The following UBAP2L variants were observed in gnomAD, a reference collection of about 807,000 sequenced individuals.
UBAP2L encodes ubiquitin associated protein 2 like, also known as ubiquitin-associated protein 2-like.
Under a neutral mutation model 130.6 loss-of-function variants are expected in UBAP2L, and 12 were observed. That is an observed-to-expected ratio of 0.09 (90% CI 0.06 to 0.15). The LOEUF is 0.15. Ranked by LOEUF, UBAP2L falls within the 10% of genes least tolerant of loss-of-function variation. The probability of loss-of-function intolerance (pLI) is 1.00; values close to 1 mark genes in which losing one functional copy is unlikely to be tolerated. For synonymous variants in UBAP2L, 503 were observed against 524.7 expected, an observed-to-expected ratio of 0.96 and a Z score of 0.57; for missense variants, 965 against 1,332.5, an observed-to-expected ratio of 0.72 and a Z score of 4.29.
chr1:154,254,097 C>T lies in UBAP2L; in HGVS notation c.1854+8C>T, dbSNP rs1678802507. The T allele has an allele frequency of 1.3e-6, 2 of 1,520,236 alleles. No homozygotes were observed. Among genetic ancestry groups the T allele is most frequent in the Non-Finnish European group, 1.8e-6 (2 of 1,138,648 alleles). 94.2% of individuals were successfully genotyped at this position (1,520,236 alleles called of 1,614,324 possible). A position where few individuals can be genotyped will look rare whatever the true frequency, so the allele number is the denominator to read the frequency against. On this transcript the variant is annotated splice_region_variant and intron_variant, in intron 15 of 26. Transcript: ENST00000428931. ...GACCTGACTCAGGCAAAGGTAGTGG[C>T]TTCATGAACCCTTGGGAATTGGTTA... is the stretch of plus-strand genomic sequence containing the variant.
intron 4 of UBAP2L, among the ~76,000 whole-genome samples, chr1:154,234,205 A>G (rs998506259): frequency 6.6e-6 from 1 of 152,042 alleles, no homozygotes; most frequent in Non-Finnish European, 1.5e-5. Context: ...TTTACTAAAA[A>G]TACAAAAATT....
intron 3 of UBAP2L, among the ~76,000 whole-genome samples, chr1:154,227,639 C>T (rs753189361): frequency 3.3e-5 from 5 of 151,798 alleles, no homozygotes; most frequent in Non-Finnish European, 7.4e-5. Context: ...TTCTGCCTCC[C>T]GAGTTCAAGC....
At chr1:154,228,804 A>G (rs933095391) in intron 4 of UBAP2L, 79 bp downstream of exon 4, 22 of 1,083,984 alleles carry the variant, frequency 2.0e-5, no homozygotes, top group African/African-American at 4.8e-5. Flanking sequence ...GCAAATGGCA[A>G]CATACCTTAA....
intron 24 of UBAP2L, among the ~76,000 whole-genome samples, chr1:154,266,103 A>C (rs1379639416): frequency 6.6e-6 from 1 of 152,220 alleles, no homozygotes; most frequent in African/African-American, 2.4e-5. Flanking sequence ...AGACTGCCCC[A>C]GTCTCCAGGA....
chr1:154,260,923 C>G lies in UBAP2L; in HGVS notation c.2610C>G (p.Ala870=). 6.2e-7 allele frequency: 1 copy of G among 1,614,224 alleles called. No individual in the cohort carries two copies. Among genetic ancestry groups the G allele is most frequent in the Non-Finnish European group, 8.5e-7 (1 of 1,180,038 alleles). ...GDLTKFGRGD[A]SSPAPATTLA... is the part of the protein sequence containing the mutation. The stretch of plus-strand genomic sequence containing the variant: ...TCACAAAGTTCGGCCGTGGGGATGC[C>G]TCCTCCCCAGCCCCGGCCACAACCT... Residue 870 remains alanine (A), a synonymous_variant, in exon 23 of 27, where the codon GCC becomes GCG. Transcript: ENST00000428931.
chr1:154,259,095 C>A, intron 21 of UBAP2L, 65 bp downstream of exon 21: 2 of 1,403,002 alleles, frequency 1.4e-6, no homozygotes, highest in Non-Finnish European at 2.0e-6. Context: ...GGAGAATTAT[C>A]TCCGTCACAG....
At chr1:154,255,894 T>G in intron 18 of UBAP2L, 139 bp downstream of exon 18, 1 of 992,408 alleles carries the variant, frequency 1.0e-6, no homozygotes, top group African/African-American at 1.6e-5. Context: ...GGAAAAGGAG[T>G]AAAGGGATGT....
At chr1:154,227,879 G>A (rs1241910163) in intron 3 of UBAP2L, among the ~76,000 whole-genome samples, 2 of 151,952 alleles carry the variant, frequency 1.3e-5, no homozygotes, top group African/African-American at 4.8e-5. Context: ...TACTTTGTTT[G>A]GAAATTTTAT....
At chr1:154,245,622 C>T (rs1397426962) in intron 10 of UBAP2L, among the ~76,000 whole-genome samples, 3 of 152,100 alleles carry the variant, frequency 2.0e-5, no homozygotes, top group Non-Finnish European at 4.4e-5. Context: ...TTAAAACTAG[C>T]ATTTGAGGCC....
At chr1:154,254,528 C>T (rs925244708) in intron 15 of UBAP2L, 2 of 486,014 alleles carry the variant, frequency 4.1e-6, no homozygotes, top group Non-Finnish European at 7.2e-6. Flanking sequence ...CCCCAAAAAT[C>T]ACTGGATGTG....
At chr1:154,253,836 T>C in intron 14 of UBAP2L, 64 bp from the exon 15 acceptor site, 1 of 1,518,000 alleles carries the variant, frequency 6.6e-7, no homozygotes, top group Non-Finnish European at 9.0e-7. Flanking sequence ...CTCCACGATT[T>C]CCTTAGTATG....
intron 10 of UBAP2L, 143 bp downstream of exon 10, chr1:154,243,445 G>A: frequency 1.6e-6 from 1 of 614,124 alleles, no homozygotes; most frequent in Non-Finnish European, 2.6e-6. Flanking sequence ...TTCCTCTTAA[G>A]TTGATGGAGA....
intron 24 of UBAP2L, among the ~76,000 whole-genome samples, chr1:154,262,439 G>A (rs1681873116): frequency 1.3e-5 from 2 of 152,170 alleles, no homozygotes; most frequent in Admixed American, 1.3e-4. Flanking sequence ...AGGAATCTTT[G>A]AATAATATAA....
chr1:154,266,835 T>C (rs1229983459), intron 25 of UBAP2L, among the ~76,000 whole-genome samples: 5 of 150,306 alleles, frequency 3.3e-5, no homozygotes, highest in African/African-American at 1.2e-4. Flanking sequence ...TGTGCAACTC[T>C]CCTGGCCCCT....
chr1:154,237,126 T>C lies in UBAP2L; in HGVS notation c.693T>C (p.Asp231=), dbSNP rs1358248725. 2 of 1,613,710 alleles carry C rather than the reference T, an allele frequency of 1.2e-6. No individual in the cohort carries two copies. Among genetic ancestry groups the C allele is most frequent in the African/African-American group, 1.3e-5 (1 of 74,918 alleles). The change falls in exon 8 of 27, where the codon GAT becomes GAC. Residue 231 remains aspartate, a synonymous_variant. Transcript: ENST00000428931. ...ACAACACTGGCCACTTTGAACCAGATGATGGGACGAGTGAGTGACCATTTA... is the reference window on the plus strand; with the variant it reads ...ACAACACTGGCCACTTTGAACCAGACGATGGGACGAGTGAGTGACCATTTA... ...TWNNTGHFEP[D]DGTSAWRTAT...
chr1:154,234,681 C>G lies in UBAP2L; in HGVS notation c.370C>G (p.Arg124Gly). 6.2e-7 allele frequency: 1 copy of G among 1,613,958 alleles called. No individual in the cohort carries two copies. The highest frequency in any genetic ancestry group is 8.5e-7 in the Non-Finnish European group (1 of 1,179,968). Residue 124 changes from arginine (R) to glycine (G), a missense_variant, in exon 5 of 27, where the codon CGA (arginine) becomes GGA (glycine). Arg to Gly is a moderately radical substitution (Grantham distance 125). Coordinates refer to ENST00000428931, the MANE Select transcript of UBAP2L (RefSeq NM_014847.4). ...ATCCAATGAGGAAGGCAAAGAAAAT[C>G]GAGACCGGGACAGAGACTATAGTCG... Reference protein sequence around the residue: ...TESNEEGKENRDRDRDYSRRR... With the variant: ...TESNEEGKENGDRDRDYSRRR...
chr1:154,223,104 G>A (rs1188912120), intron 1 of UBAP2L, among the ~76,000 whole-genome samples: 1 of 135,586 alleles, frequency 7.4e-6, no homozygotes, highest in Non-Finnish European at 1.5e-5. Flanking sequence ...GTTGCTCAGT[G>A]TTGTCACTAC....
Position 154,251,191 on chromosome 1 carries a change from C to G in UBAP2L, c.1364C>G (p.Pro455Arg), listed in dbSNP as rs1393433439. The G allele has an allele frequency of 6.2e-7, 1 of 1,614,036 alleles. No individual in the cohort carries two copies. Among genetic ancestry groups the G allele is most frequent in the Non-Finnish European group, 8.5e-7 (1 of 1,180,050 alleles). Residue 455 changes from proline (P) to arginine (R), a missense_variant, in exon 13 of 27, where the codon CCT becomes CGT. Coordinates refer to ENST00000428931, the MANE Select transcript of UBAP2L (RefSeq NM_014847.4). ...STAAPPPPSS[P>R]LPSKSTSAPQ... ...GCTGCACCTCCACCTCCGTCTTCTC[C>G]TCTGCCAAGCAAATCCACATCGGCT...
intron 10 of UBAP2L, 68 bp downstream of exon 10, chr1:154,243,370 G>A (rs762858192): frequency 2.1e-5 from 30 of 1,438,276 alleles, no homozygotes; most frequent in Non-Finnish European, 2.6e-5. Flanking sequence ...AAAGAGAAGT[G>A]GCACTGGCCT....
Sources: allele counts gnomAD v4.1 joint callset (sites outside exome capture counted in the v4.1 genomes callset), GRCh38; gene constraint gnomAD v4.1.1; transcripts MANE v1.5; gene names NCBI Gene and HGNC (gene_info 2026-07-23, HGNC 2026-07-21).